The following NPHP4 variants were observed in gnomAD, a reference collection of about 807,000 sequenced individuals.
The protein encoded by NPHP4 is nephrocystin 4.
A neutral mutation model predicts 155.8 loss-of-function variants in NPHP4; 151 were observed. That is an observed-to-expected ratio of 0.97 (90% confidence interval 0.85 to 1.11). The LOEUF (loss-of-function observed/expected upper bound fraction) is 1.11. Among genes scored for constraint, NPHP4 ranks in the 50% least tolerant of loss-of-function variants. NPHP4 has a pLI of 0.00. For missense variants in NPHP4, 1,956 were observed against 1,925.7 expected (o/e 1.02, Z -0.29); for synonymous variants, 845 against 816.8 (o/e 1.03, Z -0.59).
At chr1:5,874,796 G>A (rs1430287351) in intron 21 of NPHP4, 78 bp downstream of exon 21, 48 of 1,546,756 alleles carry the variant, frequency 3.1e-5, no homozygotes, top group Non-Finnish European at 4.0e-5. Context: ...GGCAGAATTC[G>A]AGCCAGCTCA....
chr1:5,976,542 GC>G (rs1194589415), intron 3 of NPHP4, among the ~76,000 whole-genome samples: 2 of 152,230 alleles, frequency 1.3e-5, no homozygotes, highest in Non-Finnish European at 1.5e-5. Context: ...GGGACCCCCT[GC>G]CCGCGCTGAA....
chr1:5,927,934 A>C, intron 10 of NPHP4, 147 bp from the exon 11 acceptor site: 2 of 866,574 alleles, frequency 2.3e-6, no homozygotes, highest in South Asian at 4.2e-5. Context: ...TCAGATTATA[A>C]TCAAGTAGTT....
At chr1:5,947,817 G>A (rs1489472028) in intron 8 of NPHP4, among the ~76,000 whole-genome samples, 1 of 152,088 alleles carries the variant, frequency 6.6e-6, no homozygotes, top group Non-Finnish European at 1.5e-5. Flanking sequence ...TAGACCCTCA[G>A]CAGCCGCAGC....
chr1:5,935,164 T>A (rs1259031524), intron 9 of NPHP4, among the ~76,000 whole-genome samples: 2 of 152,264 alleles, frequency 1.3e-5, no homozygotes, highest in African/African-American at 4.8e-5. Context: ...TGCCAGATGA[T>A]ATCCCATCCT....
chr1:5,872,985 G>A (rs1379015784), intron 23 of NPHP4, among the ~76,000 whole-genome samples: 2 of 152,198 alleles, frequency 1.3e-5, no homozygotes, highest in East Asian at 1.9e-4. Flanking sequence ...CGGGAACTGC[G>A]GCTTCACACC....
intron 12 of NPHP4, among the ~76,000 whole-genome samples, chr1:5,907,522 G>A (rs1180070122): frequency 2.6e-5 from 4 of 152,364 alleles, no homozygotes; most frequent in East Asian, 1.9e-4. Context: ...CTACAGGGGC[G>A]GCCTGGCCTC....
rs189511182 is a variant in NPHP4, at chr1:5,948,206, G to A, written c.856C>T (p.Arg286Cys). Residue 286 changes from arginine (R) to cysteine (C), a missense_variant, in exon 8 of 30, where the codon CGC becomes TGC. Physicochemically the swap from Arg to Cys is radical, Grantham distance 180. Transcript: ENST00000378156. ...DGGALEILER[R>C]LRVGVHNGLG... ...CCATTGTGCACGCCCACACGCAGGC[G>A]CCGCTCCAGGATCTCCAGGGCACCA... 6.3e-5 allele frequency: 101 copies of A among 1,602,296 alleles called. No homozygotes were observed. Among genetic ancestry groups the A allele is most frequent in the East Asian group, 1.4e-4 (6 of 44,436 alleles).
At chr1:5,973,421 T>A (rs1652950361) in intron 3 of NPHP4, among the ~76,000 whole-genome samples, 1 of 152,210 alleles carries the variant, frequency 6.6e-6, no homozygotes, top group Admixed American at 6.5e-5. Context: ...ACCCCAGCTC[T>A]ACCAAAATAA....
intron 20 of NPHP4, 32 bp downstream of exon 20, chr1:5,877,061 C>G (rs1426178206): frequency 2.1e-6 from 3 of 1,430,258 alleles, no homozygotes; most frequent in Non-Finnish European, 2.8e-6. Context: ...GCATGGAGAT[C>G]CCAGGACAGT....
intron 11 of NPHP4, among the ~76,000 whole-genome samples, chr1:5,914,860 C>A (rs994944458): frequency 1.3e-5 from 2 of 152,160 alleles, no homozygotes; most frequent in Non-Finnish European, 2.9e-5. Context: ...GTCGTGAATG[C>A]GGTCCCCACA....
chr1:5,908,083 A>G (rs921893120), intron 12 of NPHP4, among the ~76,000 whole-genome samples: 2 of 152,176 alleles, frequency 1.3e-5, no homozygotes, highest in East Asian at 1.9e-4. Context: ...AGAGGCCCCA[A>G]TGTATGAAGA....
At chr1:5,872,810 A>G (rs1293767333) in intron 23 of NPHP4, among the ~76,000 whole-genome samples, 1 of 152,236 alleles carries the variant, frequency 6.6e-6, no homozygotes, top group African/African-American at 2.4e-5. Context: ...AGAATGTCTC[A>G]GCCAGCTGTT....
intron 11 of NPHP4, among the ~76,000 whole-genome samples, chr1:5,913,009 G>A (rs187684522): frequency 6.6e-6 from 1 of 152,142 alleles, no homozygotes; most frequent in African/African-American, 2.4e-5. Context: ...AAATTAGCCA[G>A]ACATGGTGGC....
intron 16 of NPHP4, among the ~76,000 whole-genome samples, chr1:5,896,622 A>G (rs933777583): frequency 6.6e-6 from 1 of 152,244 alleles, no homozygotes; most frequent in African/African-American, 2.4e-5. Flanking sequence ...GAAAAATTCT[A>G]AATCTGACTT....
intron 16 of NPHP4, among the ~76,000 whole-genome samples, chr1:5,894,160 T>C (rs1265160933): frequency 6.6e-6 from 1 of 152,196 alleles, no homozygotes; most frequent in Middle Eastern, 3.2e-3. Context: ...CTGGTTGGCT[T>C]GCCACCCACA....
At chr1:5,879,447 C>T in intron 19 of NPHP4, 1 of 478,418 alleles carries the variant, frequency 2.1e-6, no homozygotes, top group Non-Finnish European at 4.2e-6. Flanking sequence ...TTCCCAAGCT[C>T]CATAATTGGC....
At chr1:5,966,029 C>G (rs1651444696) in intron 5 of NPHP4, among the ~76,000 whole-genome samples, 1 of 152,164 alleles carries the variant, frequency 6.6e-6, no homozygotes, top group South Asian at 2.1e-4. Flanking sequence ...GCAGAAATTC[C>G]TCTTCCCTCT....
At chr1:5,934,098 A>G (rs184777562) in intron 9 of NPHP4, among the ~76,000 whole-genome samples, 5 of 152,312 alleles carry the variant, frequency 3.3e-5, no homozygotes, top group Admixed American at 1.3e-4. Context: ...GACTAAAGCT[A>G]AACCCCGGTC....
intron 11 of NPHP4, among the ~76,000 whole-genome samples, chr1:5,920,612 C>T (rs1645695561): frequency 6.6e-6 from 1 of 152,206 alleles, no homozygotes; most frequent in South Asian, 2.1e-4. Flanking sequence ...AGCACCTGGA[C>T]ATATCTTTAC....
Sources: allele counts gnomAD v4.1 joint callset (sites outside exome capture counted in the v4.1 genomes callset), GRCh38; gene constraint gnomAD v4.1.1; transcripts MANE v1.5; gene names NCBI Gene and HGNC (gene_info 2026-07-23, HGNC 2026-07-21).